The following TRPM1 variants were observed in gnomAD, a reference collection of about 807,000 sequenced individuals.
TRPM1 encodes TRPM1-203 APA Isoform, Intron 10.
TRPM1 carries 113 observed loss-of-function variants against 149.4 expected under a neutral mutation model. That is an observed-to-expected ratio of 0.76 (90% confidence interval 0.65 to 0.88). The LOEUF (loss-of-function observed/expected upper bound fraction) is 0.88. Among genes scored for constraint, TRPM1 ranks in the 40% least tolerant of loss-of-function variants. The probability of loss-of-function intolerance (pLI) is 0.00; values close to 1 mark genes in which losing one functional copy is unlikely to be tolerated. For missense variants in TRPM1, 1,976 were observed against 2,038.7 expected, an observed-to-expected ratio of 0.97 and a Z score of 0.59; for synonymous variants, 741 against 759.5, an observed-to-expected ratio of 0.98 and a Z score of 0.40.
At chr15:31,046,274 G>T in intron 15 of TRPM1, 41 bp from the exon 16 acceptor site, 1 of 1,594,568 alleles carries the variant, frequency 6.3e-7, no homozygotes, top group Non-Finnish European at 8.6e-7. Flanking sequence ...AATTTACTTA[G>T]ATAACTAATG....
At position 31,001,310 on chromosome 15, in the gene TRPM1, T is replaced by C. The variant is rs1315952724; in HGVS notation, c.*512A>G. 6.6e-6 allele frequency: 1 copy of C among 152,196 alleles called. No individual in the cohort carries two copies. The highest frequency in any genetic ancestry group is 1.5e-5 in the Non-Finnish European group (1 of 68,092). The allele number at this position is 152,196 out of a possible 1,614,324, so 9.4% of individuals were successfully genotyped here. The stretch of plus-strand genomic sequence containing the variant: ...TTTCATGTTTGCTTTCTCTTTAGTT[T>C]CTCTTTCTTACACAGTTGCTTACTT... On this transcript the variant is annotated 3_prime_UTR_variant, in exon 28 of 28. Coordinates refer to ENST00000256552, the MANE Select transcript of TRPM1 (RefSeq NM_001252024.2).
chr15:31,110,841 C>A (rs1384889450), intron 1 of TRPM1, among the ~76,000 whole-genome samples: 2 of 151,544 alleles, frequency 1.3e-5, no homozygotes, highest in South Asian at 4.2e-4. Context: ...TTTCTGTTTT[C>A]TTTCTCTCTC....
intron 1 of TRPM1, among the ~76,000 whole-genome samples, chr15:31,091,118 G>A (rs1174411334): frequency 1.3e-5 from 2 of 152,220 alleles, no homozygotes; most frequent in African/African-American, 4.8e-5. Context: ...GGTAGGTTGG[G>A]TGGACTGATG....
chr15:31,036,041 C>T (rs2033352937), intron 20 of TRPM1: 1 of 338,618 alleles, frequency 3.0e-6, no homozygotes, highest in Non-Finnish European at 5.7e-6. Context: ...ATGTTACTTA[C>T]TCCTCCCTGC....
At chr15:31,101,420 C>T (rs553331877) in intron 1 of TRPM1, among the ~76,000 whole-genome samples, 27 of 152,306 alleles carry the variant, frequency 1.8e-4, no homozygotes, top group African/African-American at 6.5e-4. Flanking sequence ...TCCATAGGGT[C>T]CTGTCCAGCC....
intron 11 of TRPM1, among the ~76,000 whole-genome samples, chr15:31,054,575 G>A (rs1195702534): frequency 1.3e-5 from 2 of 152,164 alleles, no homozygotes; most frequent in Non-Finnish European, 2.9e-5. Flanking sequence ...AATTACAGGA[G>A]TGAGCCACTG....
At chr15:31,144,287 A>T (rs564320784) in intron 1 of TRPM1, among the ~76,000 whole-genome samples, 1 of 152,222 alleles carries the variant, frequency 6.6e-6, no homozygotes, top group South Asian at 2.1e-4. Flanking sequence ...AAAATACAAA[A>T]ATTAGCCAGT....
intron 27 of TRPM1, among the ~76,000 whole-genome samples, chr15:31,017,985 G>A (rs1206836592): frequency 6.6e-6 from 1 of 152,062 alleles, no homozygotes; most frequent in Non-Finnish European, 1.5e-5. Flanking sequence ...GAAACATCTG[G>A]AGTTCTGTAG....
intron 16 of TRPM1, 129 bp downstream of exon 16, chr15:31,046,075 T>C (rs1478360375): frequency 2.4e-6 from 2 of 821,768 alleles, no homozygotes; most frequent in East Asian, 2.5e-5. Context: ...GGTCCTTTTA[T>C]ATAATTTGAC....
Position 31,027,054 on chromosome 15 carries a change from C to G in TRPM1, c.3357G>C (p.Leu1119=). 1 of 1,614,168 alleles carries G rather than the reference C, an allele frequency of 6.2e-7. No individual in the cohort carries two copies. The highest frequency in any genetic ancestry group is 8.5e-7 in the Non-Finnish European group (1 of 1,180,040). Residue 1119 remains leucine (L), a synonymous_variant, in exon 26 of 28, where the codon CTG becomes CTC. Transcript: ENST00000256552. ...NQVWKFQRYQ[L]IMTFHDRPVL... ...CTGGCCTGTCATGAAATGTCATAATCAGCTGATATCGCTGGAACTTCCACA... is the reference window on the plus strand; with the variant it reads ...CTGGCCTGTCATGAAATGTCATAATGAGCTGATATCGCTGGAACTTCCACA...
Position 31,070,238 on chromosome 15 carries a change from G to C in TRPM1, c.84-12C>G. The C allele has an allele frequency of 2.5e-6, 4 of 1,609,812 alleles. No homozygotes were observed. The highest frequency in any genetic ancestry group is 3.4e-6 in the Non-Finnish European group (4 of 1,177,040). Reference sequence around the variant, plus strand: ...GGCCACAGCAACACCTGAAAACAAAGGCAAAGCAGGGTCTTTCTACAACAA... The same window carrying C: ...GGCCACAGCAACACCTGAAAACAAACGCAAAGCAGGGTCTTTCTACAACAA... On this transcript the variant is annotated splice_polypyrimidine_tract_variant and intron_variant, in intron 3 of 27. Coordinates refer to ENST00000256552, the MANE Select transcript of TRPM1 (RefSeq NM_001252024.2).
At chr15:31,063,073 G>A (rs79187036) in intron 8 of TRPM1, 45 bp downstream of exon 8, 1 of 1,612,660 alleles carries the variant, frequency 6.2e-7, no homozygotes, top group Non-Finnish European at 8.5e-7. Context: ...GCCCGACAAA[G>A]AGGGAGTTAC....
In TRPM1 at chr15:31,081,233, C is replaced by G. The variant is rs1161246284; in HGVS notation, c.3+120G>C. 2.5e-5 allele frequency: 19 copies of G among 766,512 alleles called. No homozygotes were observed. The East Asian group carries it at 4.8e-4, about 19-fold the overall frequency. 47.5% of individuals were successfully genotyped at this position (766,512 alleles called of 1,614,324 possible). A position where few individuals can be genotyped will look rare whatever the true frequency, so the allele number is the denominator to read the frequency against. On this transcript the variant is annotated intron_variant, in intron 2 of 27. Transcript: ENST00000256552. ...CGCCATGGCCCGAGCCAGGCTCAATCCACTTCCCTCTGCTTCACTGGAAAT... is the reference window on the plus strand; with the variant it reads ...CGCCATGGCCCGAGCCAGGCTCAATGCACTTCCCTCTGCTTCACTGGAAAT...
intron 17 of TRPM1, among the ~76,000 whole-genome samples, chr15:31,041,408 C>T (rs971649122): frequency 2.0e-5 from 3 of 152,190 alleles, no homozygotes; most frequent in Non-Finnish European, 4.4e-5. Context: ...CCTCGGCCTC[C>T]CAAAGTGCTG....
intron 11 of TRPM1, among the ~76,000 whole-genome samples, chr15:31,054,329 C>T (rs766948976): frequency 1.3e-5 from 2 of 151,874 alleles, no homozygotes; most frequent in African/African-American, 4.8e-5. Context: ...GAGTTTTGTT[C>T]TGTCACCCAG....
chr15:31,081,624 A>G (rs2034861272), intron 1 of TRPM1, among the ~76,000 whole-genome samples, 186 bp from the exon 2 acceptor site: 1 of 147,892 alleles, frequency 6.8e-6, no homozygotes, highest in Non-Finnish European at 1.5e-5. Context: ...CTTCTCCCCC[A>G]CCTCCTGCCT....
At chr15:31,116,355 C>T (rs762059214) in intron 1 of TRPM1, among the ~76,000 whole-genome samples, 12 of 152,156 alleles carry the variant, frequency 7.9e-5, no homozygotes, top group Non-Finnish European at 1.3e-4. Flanking sequence ...TGCCTGCAGT[C>T]CCAGCACTTT....
At chr15:31,146,381 G>T (rs1297301702) in intron 1 of TRPM1, among the ~76,000 whole-genome samples, 1 of 152,198 alleles carries the variant, frequency 6.6e-6, no homozygotes, top group Non-Finnish European at 1.5e-5. Flanking sequence ...AATTAAAAGA[G>T]GCCATTGCTC....
At chr15:31,033,142 AG>A (rs2033173680) in intron 21 of TRPM1, 1 of 680,696 alleles carries the variant, frequency 1.5e-6, no homozygotes, top group African/African-American at 1.8e-5. Flanking sequence ...TCTTAGATTC[AG>A]GGTTTTACAA....
Sources: allele counts gnomAD v4.1 joint callset (sites outside exome capture counted in the v4.1 genomes callset), GRCh38; gene constraint gnomAD v4.1.1; transcripts MANE v1.5; gene names NCBI Gene and HGNC (gene_info 2026-07-23, HGNC 2026-07-21).